Variants in AKR1C3 observed in about 807,000 individuals in gnomAD.
AKR1C3 encodes aldo-keto reductase family 1 member C3, also known as 3-alpha hydroxysteroid dehydrogenase, type II.
In AKR1C3, 48 loss-of-function variants were observed where a neutral mutation model predicts 43.6. That is an observed-to-expected ratio of 1.10 (90% CI 0.87 to 1.40). The LOEUF (loss-of-function observed/expected upper bound fraction) is 1.40, where lower values mean the gene tolerates loss of function less well. Ranked by LOEUF, AKR1C3 falls within the 40% of genes most tolerant of loss-of-function variation. AKR1C3 has a pLI of 0.00. For synonymous variants in AKR1C3, 162 were observed against 139.6 expected (o/e 1.16, Z -1.13); for missense variants, 482 against 391.2 (o/e 1.23, Z -1.96).
At chr10:5,064,402 A>C (rs2131792216) in intron 1 of AKR1C3, among the ~76,000 whole-genome samples, 1 of 152,346 alleles carries the variant, frequency 6.6e-6, no homozygotes, top group Non-Finnish European at 1.5e-5. Flanking sequence ...TAAAACCTTA[A>C]GTTTTAAGCC....
At chr10:5,076,279 G>A (rs1188833570) in intron 1 of AKR1C3, among the ~76,000 whole-genome samples, 3 of 152,162 alleles carry the variant, frequency 2.0e-5, no homozygotes, top group Non-Finnish European at 4.4e-5. Context: ...GTGTTGAGAT[G>A]TGGGACCTTT....
rs372037908 is a variant in AKR1C3, at chr10:5,102,631, G to C, written c.827G>C (p.Arg276Pro). 2.0e-6 allele frequency: 3 copies of C among 1,481,834 alleles called. No homozygotes were observed. The highest frequency in any genetic ancestry group is 1.4e-5 in the South Asian group (1 of 71,194). 91.8% of individuals were successfully genotyped at this position (1,481,834 alleles called of 1,614,324 possible). A position where few individuals can be genotyped will look rare whatever the true frequency, so the allele number is the denominator to read the frequency against. The change falls in exon 7 of 9, where the codon CGC becomes CCC. Residue 276 changes from arginine (R) to proline (P), a missense_variant. Coordinates refer to ENST00000380554, the MANE Select transcript of AKR1C3 (RefSeq NM_003739.6). ...VVLAKSYNEQRIRQNVQVFEF... is the reference protein window; with the variant it reads ...VVLAKSYNEQPIRQNVQVFEF... ...CTGGCCAAGAGCTACAATGAGCAGC[G>C]CATCAGACAGAACGTGCAGGTGAGG... is the stretch of plus-strand genomic sequence containing the variant.
intron 1 of AKR1C3, 44 bp downstream of exon 1, chr10:5,094,572 C>T (rs370904889): frequency 6.8e-5 from 109 of 1,601,336 alleles, no homozygotes; most frequent in Non-Finnish European, 9.2e-5. Context: ...AAAGAATAAA[C>T]CTAGTAGAAG....
At chr10:5,075,722 A>G (rs1838702629) in intron 1 of AKR1C3, among the ~76,000 whole-genome samples, 1 of 152,074 alleles carries the variant, frequency 6.6e-6, no homozygotes, top group Non-Finnish European at 1.5e-5. Flanking sequence ...TAAAAATACA[A>G]AATTAGCCGG....
upstream of AKR1C3, among the ~76,000 whole-genome samples, chr10:5,093,166 CT>C (rs1348264118): frequency 1.3e-5 from 2 of 152,050 alleles, no homozygotes; most frequent in Non-Finnish European, 2.9e-5. Context: ...GTCTCTTCCC[CT>C]AATCTCTTGC....
At chr10:5,082,434 T>C (rs1363687345) in intron 1 of AKR1C3, among the ~76,000 whole-genome samples, 1 of 152,136 alleles carries the variant, frequency 6.6e-6, no homozygotes, top group Admixed American at 6.6e-5. Context: ...GTCCTAGATG[T>C]CCCTTATTAT....
intron 1 of AKR1C3, among the ~76,000 whole-genome samples, chr10:5,069,019 A>C (rs1403119414): frequency 6.6e-6 from 1 of 152,260 alleles, no homozygotes; most frequent in Non-Finnish European, 1.5e-5. Flanking sequence ...CCTAAAGATT[A>C]CTCAAGTCAC....
chr10:5,080,577 T>C (rs1838813229), intron 1 of AKR1C3, among the ~76,000 whole-genome samples: 1 of 152,130 alleles, frequency 6.6e-6, no homozygotes, highest in Non-Finnish European at 1.5e-5. Context: ...TAAGCTGAGA[T>C]TGTACCACTG....
intron 1 of AKR1C3, among the ~76,000 whole-genome samples, chr10:5,084,099 A>AT (rs1554782693): frequency 6.6e-6 from 1 of 152,112 alleles, no homozygotes; most frequent in African/African-American, 2.4e-5. Flanking sequence ...CCATTTGTCA[A>AT]TTTTGGCTTC....
intron 1 of AKR1C3, 158 bp from the exon 2 acceptor site, chr10:5,096,252 A>G (rs1280291081): frequency 2.4e-5 from 20 of 841,072 alleles, no homozygotes; most frequent in African/African-American, 3.5e-5. Context: ...CTCAACCTTT[A>G]TTACTAACCA....
At chr10:5,062,441 T>C (rs140503027) in intron 1 of AKR1C3, among the ~76,000 whole-genome samples, 180 of 152,300 alleles carry the variant, frequency 1.2e-3, no homozygotes, top group Middle Eastern at 3.4e-3. Flanking sequence ...TCTAAAAATA[T>C]TTGTAGCTGA....
chr10:5,076,402 CTG>C (rs199656863), intron 1 of AKR1C3, among the ~76,000 whole-genome samples: 1 of 135,074 alleles, frequency 7.4e-6, no homozygotes, highest in African/African-American at 2.9e-5. Flanking sequence ...TTTGTTCTCT[CTG>C]TCTCTCTCTC....
At chr10:5,106,119 A>G (rs1588362988) in intron 8 of AKR1C3, among the ~76,000 whole-genome samples, 1 of 152,148 alleles carries the variant, frequency 6.6e-6, no homozygotes, top group Non-Finnish European at 1.5e-5. Flanking sequence ...CACCTCCTTC[A>G]TATGGAATTG....
At chr10:5,077,539 A>G (rs782219867) in intron 1 of AKR1C3, 2 of 348,452 alleles carry the variant, frequency 5.7e-6, no homozygotes, top group Non-Finnish European at 8.1e-6. Flanking sequence ...GTGTCCTATT[A>G]TGGAAATGCA....
chr10:5,080,000 G>A (rs190755317), intron 1 of AKR1C3, among the ~76,000 whole-genome samples: 2 of 152,296 alleles, frequency 1.3e-5, no homozygotes, highest in East Asian at 3.9e-4. Flanking sequence ...ATCAGAGTCA[G>A]GGAATGAGCA....
chr10:5,060,775 C>T (rs1260530980), intron 1 of AKR1C3, among the ~76,000 whole-genome samples: 1 of 136,138 alleles, frequency 7.3e-6, no homozygotes, highest in Non-Finnish European at 1.6e-5. Flanking sequence ...TGCACAGGAG[C>T]CCACAGAGGT....
intron 1 of AKR1C3, among the ~76,000 whole-genome samples, chr10:5,071,107 C>T (rs549410445): frequency 6.6e-6 from 1 of 152,252 alleles, no homozygotes; most frequent in African/African-American, 2.4e-5. Flanking sequence ...AATTATATGG[C>T]TGTATCTTAC....
chr10:5,069,916 G>A (rs1466225840), intron 1 of AKR1C3, among the ~76,000 whole-genome samples: 1 of 151,994 alleles, frequency 6.6e-6, no homozygotes, highest in Non-Finnish European at 1.5e-5. Flanking sequence ...TCTGCGCAGG[G>A]CAAATAGTCC....
intron 8 of AKR1C3, 120 bp from the exon 9 acceptor site, chr10:5,107,341 G>A: frequency 1.4e-6 from 1 of 709,394 alleles, no homozygotes; most frequent in Non-Finnish European, 2.4e-6. Context: ...AAGAAAGGCA[G>A]ATTCTACAAC....
Sources: gnomAD v4.1 joint callset for allele counts (sites outside exome capture counted in the v4.1 genomes callset) on GRCh38, gnomAD v4.1.1 for gene constraint, MANE v1.5 for transcripts, NCBI Gene and HGNC (gene_info 2026-07-23, HGNC 2026-07-21) for gene names.